The following RARS2 variants were observed in gnomAD, a reference collection of about 807,000 sequenced individuals.
RARS2 encodes arginyl-tRNA synthetase 2, mitochondrial.
In RARS2, 67 loss-of-function variants were observed where a neutral mutation model predicts 88.5. That is an observed-to-expected ratio of 0.76 (90% CI 0.62 to 0.93). The LOEUF (loss-of-function observed/expected upper bound fraction) is 0.93. Among genes scored for constraint, RARS2 ranks in the 40% least tolerant of loss-of-function variants. The probability of loss-of-function intolerance (pLI) is 0.00; values close to 1 mark genes in which losing one functional copy is unlikely to be tolerated. For missense variants in RARS2, 664 were observed against 684.2 expected (o/e 0.97, Z 0.33); for synonymous variants, 239 against 230.3 (o/e 1.04, Z -0.34).
chr6:87,569,486 T>A, intron 2 of RARS2, 31 bp downstream of exon 2: 2 of 1,521,158 alleles, frequency 1.3e-6, no homozygotes, highest in Non-Finnish European at 1.8e-6. Context: ...AGCAACATTT[T>A]ATAGATTGTT....
Position 87,514,367 on chromosome 6 carries a change from G to T in RARS2, c.*46C>A. On this transcript the variant is annotated 3_prime_UTR_variant, in exon 20 of 20. Transcript: ENST00000369536. ...CTGAACAGCAAGGCATCTCAGAATAGATAACTAGAATTCACTTGACATTTT... is the reference window on the plus strand; with the variant it reads ...CTGAACAGCAAGGCATCTCAGAATATATAACTAGAATTCACTTGACATTTT... 3.9e-6 allele frequency: 5 copies of T among 1,278,318 alleles called. No individual in the cohort carries two copies. The highest frequency in any genetic ancestry group is 5.7e-6 in the Non-Finnish European group (5 of 876,878). 79.2% of individuals were successfully genotyped at this position (1,278,318 alleles called of 1,614,324 possible).
rs373600402 is a variant in RARS2 at position 87,518,612 on chromosome 6, C to T, written c.1415+18G>A. The T allele has an allele frequency of 1.0e-5, 16 of 1,596,064 alleles. No homozygotes were observed. The African/African-American group carries it at 2.0e-4, about 20-fold the overall frequency. On this transcript the variant is annotated intron_variant, in intron 16 of 19. Coordinates refer to ENST00000369536, the MANE Select transcript of RARS2 (RefSeq NM_020320.5). The stretch of plus-strand genomic sequence containing the variant: ...TAAGCACAGTGCAGCACAAGGTTTC[C>T]CTGCAGCCTCTTCTCACCTGTGGAG...
At chr6:87,584,742 A>G (rs1404643118) in intron 1 of RARS2, 1 of 460,054 alleles carries the variant, frequency 2.2e-6, no homozygotes, top group Non-Finnish European at 4.4e-6. Context: ...ATATGGATTT[A>G]TGAACAGAAG....
chr6:87,519,496 G>A, intron 14 of RARS2, 87 bp downstream of exon 14: 1 of 1,416,950 alleles, frequency 7.1e-7, no homozygotes, highest in Non-Finnish European at 9.9e-7. Flanking sequence ...TGGAGGGACA[G>A]ACATAATAAA....
rs79254636 is a variant in RARS2 at position 87,548,315 on chromosome 6, C to T, written c.451+276G>A. Reference sequence around the variant, plus strand: ...TACTTTTGCATCTTTCAGGTCTTCCCCATATTTATACTTATTTTTAGAAAG... The same window carrying T: ...TACTTTTGCATCTTTCAGGTCTTCCTCATATTTATACTTATTTTTAGAAAG... On this transcript the variant is annotated intron_variant, in intron 6 of 19. Coordinates refer to ENST00000369536, the MANE Select transcript of RARS2 (RefSeq NM_020320.5). Among the ~76,000 whole-genome samples the T allele has an allele frequency of 3.0e-4, 45 of 152,242 alleles. No individual in the cohort carries two copies. The East Asian group carries it at 8.5e-3, about 29-fold the overall frequency.
intron 7 of RARS2, among the ~76,000 whole-genome samples, chr6:87,542,661 G>GAAAA (rs10628110): frequency 0.011 from 1,436 of 134,512 alleles, 21 homozygotes; most frequent in African/African-American, 0.037. Context: ...AAAAAAAAAA[G>GAAAA]AAAAAAAAAA....
intron 18 of RARS2, 27 bp from the exon 19 acceptor site, chr6:87,515,047 T>C (rs376503345): frequency 1.3e-6 from 2 of 1,561,538 alleles, no homozygotes; most frequent in South Asian, 1.1e-5. Flanking sequence ...GAAATCACGA[T>C]AGTACCAGCA....
chr6:87,589,922 C>T lies in RARS2; in HGVS notation c.36G>A (p.Gln12=). The T allele has an allele frequency of 1.2e-6, 2 of 1,614,210 alleles. No homozygotes were observed. The highest frequency in any genetic ancestry group is 1.1e-5 in the South Asian group (1 of 91,088). The change falls in exon 1 of 20, where the codon CAG becomes CAA. Residue 12 remains glutamine, a splice_region_variant and synonymous_variant. Coordinates refer to ENST00000369536, the MANE Select transcript of RARS2 (RefSeq NM_020320.5). ...ACGFRRAIAC[Q]LSRVLNLPPE... ...CCTCTGCGCGCTCCGGGATCCATACCTGGCAAGCAATAGCGCGGCGAAAGC... is the reference window on the plus strand; with the variant it reads ...CCTCTGCGCGCTCCGGGATCCATACTTGGCAAGCAATAGCGCGGCGAAAGC...
intron 1 of RARS2, 96 bp downstream of exon 1, chr6:87,589,826 C>A: frequency 6.2e-7 from 1 of 1,613,342 alleles, no homozygotes. Context: ...CCGTGGGACC[C>A]ACCCTCCAGC....
intron 1 of RARS2, among the ~76,000 whole-genome samples, chr6:87,582,474 C>G (rs1236029518): frequency 6.6e-6 from 1 of 152,060 alleles, no homozygotes. Flanking sequence ...CTTGTAGGTT[C>G]TGGATATTAG....
chr6:87,533,878 G>GT (rs1162745309), intron 8 of RARS2, among the ~76,000 whole-genome samples: 1 of 152,140 alleles, frequency 6.6e-6, no homozygotes, highest in East Asian at 1.9e-4. Flanking sequence ...CATGGGCACA[G>GT]TTTAACTCCT....
chr6:87,537,127 T>C (rs1312796861), intron 8 of RARS2, among the ~76,000 whole-genome samples: 1 of 152,240 alleles, frequency 6.6e-6, no homozygotes, highest in Non-Finnish European at 1.5e-5. Flanking sequence ...AGAATACTGA[T>C]CATAGTTCAA....
chr6:87,562,903 A>G (rs1172890854), intron 3 of RARS2, 118 bp from the exon 4 acceptor site: 3 of 759,286 alleles, frequency 4.0e-6, no homozygotes, highest in East Asian at 2.6e-5. Context: ...CATGGTCCCT[A>G]TATCGGGTCC....
At chr6:87,584,549 T>C (rs540674913) in intron 1 of RARS2, 10 of 318,336 alleles carry the variant, frequency 3.1e-5, no homozygotes, top group East Asian at 1.9e-4. Context: ...AAAACCATCA[T>C]CTTACAGCTG....
chr6:87,535,033 T>A lies in RARS2; in HGVS notation c.613-4091A>T, dbSNP rs1367922829. ...ACATAAGAGCCTGGGGAACTTTGCA[T>A]GATTTAGTAGGTGGGAAATTCAATG... On this transcript the variant is annotated intron_variant, in intron 8 of 19. Transcript: ENST00000369536. Among the ~76,000 whole-genome samples the A allele has an allele frequency of 9.8e-5, 12 of 122,282 alleles. No homozygotes were observed. The Admixed American group carries it at 1.1e-3, about 11-fold the overall frequency. The allele number at this position is 122,282 out of a possible 152,430, so 80.2% of individuals were successfully genotyped here.
At chr6:87,558,536 T>G (rs1786732979) in intron 4 of RARS2, among the ~76,000 whole-genome samples, 1 of 152,220 alleles carries the variant, frequency 6.6e-6, no homozygotes, top group South Asian at 2.1e-4. Flanking sequence ...ATGCACCAAG[T>G]AACAATGTGT....
At chr6:87,521,240 A>C (rs1313159743) in intron 12 of RARS2, among the ~76,000 whole-genome samples, 2 of 152,252 alleles carry the variant, frequency 1.3e-5, no homozygotes, top group African/African-American at 2.4e-5. Context: ...TATTAATTTC[A>C]CATAACCATC....
chr6:87,516,383 A>G (rs79463761), intron 18 of RARS2, among the ~76,000 whole-genome samples: 1,568 of 152,284 alleles, frequency 0.01, 24 homozygotes, highest in African/African-American at 0.034. Context: ...CAGCCCTCCC[A>G]GGACAATGCT....
intron 12 of RARS2, 139 bp downstream of exon 12, chr6:87,521,325 A>G: frequency 1.5e-6 from 1 of 661,582 alleles, no homozygotes; most frequent in South Asian, 1.9e-5. Flanking sequence ...AAACTTTTAA[A>G]TAGAAGTTGC....
Sources: gnomAD v4.1 joint callset for allele counts (sites outside exome capture counted in the v4.1 genomes callset) on GRCh38, gnomAD v4.1.1 for gene constraint, MANE v1.5 for transcripts, NCBI Gene and HGNC (gene_info 2026-07-23, HGNC 2026-07-21) for gene names.